The following APBB2 variants were observed in gnomAD, a reference collection of about 807,000 sequenced individuals.
The protein encoded by APBB2 is Fe65-like 1.
In APBB2, 38 loss-of-function variants were observed where a neutral mutation model predicts 82.5. That is an observed-to-expected ratio of 0.46 (90% CI 0.36 to 0.60). APBB2 has a LOEUF of 0.60. APBB2 is among the 20% of genes least tolerant of loss of function. APBB2 has a pLI of 0.00. For synonymous variants in APBB2, 341 were observed against 368.2 expected, an observed-to-expected ratio of 0.93 and a Z score of 0.85; for missense variants, 772 against 972.3, an observed-to-expected ratio of 0.79 and a Z score of 2.74.
intron 1 of APBB2, among the ~76,000 whole-genome samples, chr4:41,188,747 G>T (rs1222192772): frequency 6.6e-6 from 1 of 152,132 alleles, no homozygotes; most frequent in African/African-American, 2.4e-5. Context: ...GTTCTAACCG[G>T]GTTAAAAGTG....
At chr4:40,932,250 A>G (rs1436347045) in intron 10 of APBB2, among the ~76,000 whole-genome samples, 1 of 152,222 alleles carries the variant, frequency 6.6e-6, no homozygotes, top group African/African-American at 2.4e-5. Flanking sequence ...AATTTGTAAA[A>G]CATCAAGTAG....
At chr4:41,062,210 T>C (rs900931863) in intron 4 of APBB2, among the ~76,000 whole-genome samples, 2 of 151,666 alleles carry the variant, frequency 1.3e-5, no homozygotes, top group Admixed American at 6.6e-5. Flanking sequence ...TTTGCTCTTG[T>C]CGCCCAGGCT....
chr4:41,071,465 G>T (rs1733850210), intron 3 of APBB2, among the ~76,000 whole-genome samples: 1 of 152,152 alleles, frequency 6.6e-6, no homozygotes, highest in Non-Finnish European at 1.5e-5. Context: ...CAGATTACCT[G>T]AGGTCAGGAG....
At chr4:40,863,408 G>A (rs1763256219) in intron 12 of APBB2, among the ~76,000 whole-genome samples, 1 of 152,180 alleles carries the variant, frequency 6.6e-6, no homozygotes, top group South Asian at 2.1e-4. Flanking sequence ...TTCTGATTCA[G>A]TGGGTCTGCA....
chr4:40,829,243 C>T (rs1461071594), intron 13 of APBB2, among the ~76,000 whole-genome samples: 1 of 152,058 alleles, frequency 6.6e-6, no homozygotes, highest in African/African-American at 2.4e-5. Flanking sequence ...AGCCCCTGGC[C>T]CTGGTCTGCT....
intron 6 of APBB2, among the ~76,000 whole-genome samples, chr4:40,983,581 CTTT>C (rs11477584): frequency 6.8e-6 from 1 of 148,132 alleles, no homozygotes; most frequent in Admixed American, 6.7e-5. Context: ...TTAATTATGA[CTTT>C]TTTTTTTTTT....
chr4:41,070,102 C>T (rs1733275434), intron 3 of APBB2, among the ~76,000 whole-genome samples: 1 of 152,180 alleles, frequency 6.6e-6, no homozygotes, highest in South Asian at 2.1e-4. Flanking sequence ...CTCATTCACA[C>T]AACCCACTTC....
intron 2 of APBB2, among the ~76,000 whole-genome samples, chr4:41,113,074 C>G (rs184468616): frequency 6.6e-6 from 1 of 152,178 alleles, no homozygotes; most frequent in African/African-American, 2.4e-5. Flanking sequence ...CACTGTATGT[C>G]TATTGAATTC....
At chr4:41,089,017 T>C (rs1225587243) in intron 3 of APBB2, among the ~76,000 whole-genome samples, 1 of 152,128 alleles carries the variant, frequency 6.6e-6, no homozygotes, top group Non-Finnish European at 1.5e-5. Context: ...TTTTTTTTTC[T>C]AGGTAACAAA....
In APBB2 at chr4:40,835,598, G is replaced by A. The variant is rs2465565; in HGVS notation, c.1530-5021C>T. On this transcript the variant is annotated intron_variant, in intron 12 of 17. Transcript: ENST00000508593. ...GGCACTGTGGTGAGGCTCAGGTGCCGCTGCAGGGGTGCTGTGCGGGAGTCT... is the reference window on the plus strand; with the variant it reads ...GGCACTGTGGTGAGGCTCAGGTGCCACTGCAGGGGTGCTGTGCGGGAGTCT... 4.1e-3 allele frequency among the ~76,000 whole-genome samples: 628 copies of A among 152,338 alleles called. 3 individuals carry two copies. The highest frequency in any genetic ancestry group is 0.014 in the African/African-American group (596 of 41,572).
At chr4:40,834,025 C>G (rs950970925) in intron 12 of APBB2, among the ~76,000 whole-genome samples, 1 of 152,200 alleles carries the variant, frequency 6.6e-6, no homozygotes, top group Non-Finnish European at 1.5e-5. Context: ...AGCAAGGTGA[C>G]TGATGCCTTA....
intron 7 of APBB2, among the ~76,000 whole-genome samples, chr4:40,942,232 T>C (rs865939905): frequency 6.6e-6 from 1 of 152,218 alleles, no homozygotes; most frequent in Non-Finnish European, 1.5e-5. Flanking sequence ...CTGAAGACTT[T>C]TGCCCTGTTG....
intron 2 of APBB2, among the ~76,000 whole-genome samples, chr4:41,119,764 A>T (rs913554380): frequency 6.6e-6 from 1 of 152,186 alleles, no homozygotes; most frequent in Non-Finnish European, 1.5e-5. Flanking sequence ...AGATCTGCAC[A>T]TATAAAAAGT....
chr4:41,166,165 T>A (rs1293790339), intron 1 of APBB2, among the ~76,000 whole-genome samples: 1 of 151,778 alleles, frequency 6.6e-6, no homozygotes, highest in Non-Finnish European at 1.5e-5. Context: ...CAGGCCCCCT[T>A]TTAAAAGTAC....
chr4:40,863,441 G>A (rs747210485), intron 12 of APBB2, among the ~76,000 whole-genome samples: 7 of 152,186 alleles, frequency 4.6e-5, no homozygotes, highest in Non-Finnish European at 1.0e-4. Context: ...GTGGGTCTGG[G>A]TAGGGCCCTG....
At chr4:41,190,021 C>A (rs1423014867) in intron 1 of APBB2, among the ~76,000 whole-genome samples, 1 of 152,126 alleles carries the variant, frequency 6.6e-6, no homozygotes, top group Non-Finnish European at 1.5e-5. Flanking sequence ...GGCTAAAAAT[C>A]AAAAGTCACA....
At chr4:41,138,417 T>TG (rs1405198307) in intron 2 of APBB2, among the ~76,000 whole-genome samples, 1 of 152,148 alleles carries the variant, frequency 6.6e-6, no homozygotes, top group Non-Finnish European at 1.5e-5. Flanking sequence ...ATTTCATTGT[T>TG]GGGGGGAAAG....
chr4:41,005,799 T>C (rs1247837178), intron 6 of APBB2, among the ~76,000 whole-genome samples: 1 of 152,246 alleles, frequency 6.6e-6, no homozygotes, highest in Non-Finnish European at 1.5e-5. Context: ...AAAGATTTTT[T>C]ACTTTTCAAC....
At chr4:40,965,675 G>A (rs971982831) in intron 6 of APBB2, among the ~76,000 whole-genome samples, 1 of 152,136 alleles carries the variant, frequency 6.6e-6, no homozygotes, top group Non-Finnish European at 1.5e-5. Flanking sequence ...TTACTTATTT[G>A]AATGTGGCTA....
Sources: allele counts gnomAD v4.1 joint callset (sites outside exome capture counted in the v4.1 genomes callset), GRCh38; gene constraint gnomAD v4.1.1; transcripts MANE v1.5; gene names NCBI Gene and HGNC (gene_info 2026-07-23, HGNC 2026-07-21).